PTPRD: variants seen among roughly 807,000 people sequenced by gnomAD.
PTPRD encodes protein tyrosine phosphatase receptor type D, also known as receptor-type tyrosine-protein phosphatase delta.
Under a neutral mutation model 214.5 loss-of-function variants are expected in PTPRD, and 34 were observed. The observed-to-expected ratio is 0.16, with a 90% CI of 0.12 to 0.21. The LOEUF is 0.21. PTPRD is among the 10% of genes least tolerant of loss of function. PTPRD has a pLI of 1.00. For synonymous variants in PTPRD, 1,128 were observed against 845.7 expected, an observed-to-expected ratio of 1.33 and a Z score of -5.79; for missense variants, 2,545 against 2,398.7, an observed-to-expected ratio of 1.06 and a Z score of -1.27.
intron 7 of PTPRD, among the ~76,000 whole-genome samples, chr9:9,600,023 C>G (rs139256484): frequency 6.6e-6 from 1 of 151,958 alleles, no homozygotes; most frequent in East Asian, 2.0e-4. Context: ...AGGTAAAATG[C>G]ATTCTAAATC....
chr9:8,640,013 C>G (rs1375302881), intron 12 of PTPRD, among the ~76,000 whole-genome samples: 4 of 152,184 alleles, frequency 2.6e-5, no homozygotes, highest in Admixed American at 1.3e-4. Context: ...TAACTGCAGC[C>G]TCAACCTCCC....
chr9:8,741,130 T>C (rs775293788), intron 11 of PTPRD, among the ~76,000 whole-genome samples: 5 of 152,074 alleles, frequency 3.3e-5, no homozygotes, highest in African/African-American at 4.8e-5. Flanking sequence ...GATGGCAAAA[T>C]GACATTATTA....
At chr9:9,513,340 G>A (rs1252701927) in intron 8 of PTPRD, among the ~76,000 whole-genome samples, 2 of 151,860 alleles carry the variant, frequency 1.3e-5, no homozygotes, top group South Asian at 2.1e-4. Flanking sequence ...TTTATTCCAT[G>A]TGTTGCTAAA....
intron 5 of PTPRD, among the ~76,000 whole-genome samples, chr9:9,895,264 G>A (rs555847299): frequency 6.6e-6 from 1 of 151,872 alleles, no homozygotes; most frequent in East Asian, 1.9e-4. Flanking sequence ...AGAGAAAAAA[G>A]GAACAGAAAA....
At chr9:10,078,028 T>C (rs1733444952) in intron 3 of PTPRD, among the ~76,000 whole-genome samples, 1 of 152,026 alleles carries the variant, frequency 6.6e-6, no homozygotes, top group Non-Finnish European at 1.5e-5. Context: ...TCAATTTTGA[T>C]TGGAATGAAT....
chr9:9,132,434 TACA>T (rs1249392364), intron 10 of PTPRD, among the ~76,000 whole-genome samples: 1 of 152,202 alleles, frequency 6.6e-6, no homozygotes, highest in Non-Finnish European at 1.5e-5. Flanking sequence ...TAATAATTTA[TACA>T]ACATTTTATG....
At chr9:9,344,987 A>G (rs1310129565) in intron 9 of PTPRD, among the ~76,000 whole-genome samples, 4 of 152,106 alleles carry the variant, frequency 2.6e-5, no homozygotes, top group Admixed American at 2.0e-4. Context: ...TGGTGGGGAA[A>G]AATTGATAAG....
chr9:9,323,232 T>G (rs530794788), intron 9 of PTPRD, among the ~76,000 whole-genome samples: 1 of 152,240 alleles, frequency 6.6e-6, no homozygotes, highest in Non-Finnish European at 1.5e-5. Flanking sequence ...AAAAAATCAT[T>G]GGTTTTATTT....
rs143725751 is a variant in PTPRD at position 10,028,937 on chromosome 9, C to T, written c.-472+4781G>A. On this transcript the variant is annotated intron_variant, in intron 4 of 45. Transcript: ENST00000381196. ...TCACAGCAACTCCTGCCATCACAGGCCCAGAAGCCTAGGAGATGGCAGGGT... is the reference window on the plus strand; with the variant it reads ...TCACAGCAACTCCTGCCATCACAGGTCCAGAAGCCTAGGAGATGGCAGGGT... Among the ~76,000 whole-genome samples the T allele has an allele frequency of 6.3e-3, 958 of 152,210 alleles. 12 individuals are homozygous for T. The highest frequency in any genetic ancestry group is 0.022 in the African/African-American group (911 of 41,540).
At chr9:9,444,763 A>T (rs1399880120) in intron 8 of PTPRD, among the ~76,000 whole-genome samples, 2 of 152,162 alleles carry the variant, frequency 1.3e-5, no homozygotes, top group African/African-American at 4.8e-5. Context: ...GGTGCAGCAA[A>T]TTCTAGTAAC....
intron 11 of PTPRD, among the ~76,000 whole-genome samples, chr9:8,951,368 G>T (rs1052503050): frequency 6.7e-6 from 1 of 148,490 alleles, no homozygotes; most frequent in Non-Finnish European, 1.5e-5. Context: ...ATGTGCCAGG[G>T]CTCAGGCTTC....
intron 7 of PTPRD, among the ~76,000 whole-genome samples, chr9:9,589,836 T>C (rs1171645497): frequency 6.6e-6 from 1 of 151,954 alleles, no homozygotes; most frequent in Non-Finnish European, 1.5e-5. Flanking sequence ...TTAGTAGATG[T>C]TTGGAGTAGT....
chr9:8,969,879 C>T (rs1454349907), intron 11 of PTPRD, among the ~76,000 whole-genome samples: 1 of 151,874 alleles, frequency 6.6e-6, no homozygotes, highest in Non-Finnish European at 1.5e-5. Flanking sequence ...AGATAGATAT[C>T]CAACTACTAA....
intron 7 of PTPRD, among the ~76,000 whole-genome samples, chr9:9,681,463 TCAAAA>T (rs1212461101): frequency 6.6e-6 from 1 of 151,694 alleles, no homozygotes; most frequent in Non-Finnish European, 1.5e-5. Flanking sequence ...TTGAGTAGCA[TCAAAA>T]CAAATGTTAT....
intron 5 of PTPRD, among the ~76,000 whole-genome samples, chr9:9,836,319 A>T (rs2056751626): frequency 6.6e-6 from 1 of 152,152 alleles, no homozygotes; most frequent in Non-Finnish European, 1.5e-5. Flanking sequence ...TGTAGACAAT[A>T]TCAGGTAAAC....
intron 9 of PTPRD, among the ~76,000 whole-genome samples, chr9:9,327,772 T>C (rs1222620018): frequency 3.3e-5 from 5 of 152,096 alleles, no homozygotes; most frequent in African/African-American, 9.7e-5. Flanking sequence ...ATTAAGTCCA[T>C]CTTCAGCATA....
At chr9:9,550,887 A>T (rs960176338) in intron 8 of PTPRD, among the ~76,000 whole-genome samples, 1 of 151,988 alleles carries the variant, frequency 6.6e-6, no homozygotes, top group Non-Finnish European at 1.5e-5. Flanking sequence ...TAAAATCACA[A>T]GAACATATCA....
chr9:8,675,003 A>AT (rs549085486), intron 12 of PTPRD, among the ~76,000 whole-genome samples: 8 of 151,426 alleles, frequency 5.3e-5, no homozygotes, highest in South Asian at 2.1e-4. Flanking sequence ...ACCAGGGTAT[A>AT]TTTTTTTTTC....
At chr9:9,723,695 C>T (rs547840269) in intron 7 of PTPRD, among the ~76,000 whole-genome samples, 5 of 152,060 alleles carry the variant, frequency 3.3e-5, no homozygotes, top group Non-Finnish European at 5.9e-5. Context: ...TGGTTTTCCC[C>T]ATTAATTGAA....
Sources: allele counts gnomAD v4.1 joint callset (sites outside exome capture counted in the v4.1 genomes callset), GRCh38; gene constraint gnomAD v4.1.1; transcripts MANE v1.5; gene names NCBI Gene and HGNC (gene_info 2026-07-23, HGNC 2026-07-21).